EPC2: variants seen among roughly 807,000 people sequenced by gnomAD.
The protein encoded by EPC2 is enhancer of polycomb 2.
Under a neutral mutation model 92.1 loss-of-function variants are expected in EPC2, and 14 were observed. The observed-to-expected ratio is 0.15, with a 90% CI of 0.10 to 0.24. The LOEUF (loss-of-function observed/expected upper bound fraction) is 0.24, where lower values mean the gene tolerates loss of function less well. Ranked by LOEUF, EPC2 falls within the 10% of genes least tolerant of loss-of-function variation. The pLI, the probability that EPC2 is intolerant of heterozygous loss-of-function variation, is 1.00. For synonymous variants in EPC2, 340 were observed against 334.7 expected, an observed-to-expected ratio of 1.02 and a Z score of -0.17; for missense variants, 755 against 971.5, an observed-to-expected ratio of 0.78 and a Z score of 2.96.
In EPC2 at chr2:148,757,923, C is replaced by T. The variant is rs74264296; in HGVS notation, c.666+3790C>T. On this transcript the variant is annotated intron_variant, in intron 4 of 13. Transcript: ENST00000258484. The stretch of plus-strand genomic sequence containing the variant: ...TTTTTCATTAAAGGGAACCAGGACT[C>T]CTTAGGAAAATTATTCCAGGTGTAG... 1.2e-4 allele frequency among the ~76,000 whole-genome samples: 18 copies of T among 152,046 alleles called. No individual in the cohort carries two copies. In the East Asian group the frequency reaches 3.5e-3, roughly 29 times the overall value.
intron 4 of EPC2, among the ~76,000 whole-genome samples, chr2:148,761,410 G>A (rs1209453992): frequency 6.6e-6 from 1 of 152,144 alleles, no homozygotes; most frequent in Non-Finnish European, 1.5e-5. Flanking sequence ...CTGTTACCTT[G>A]ATCTGGACAG....
intron 10 of EPC2, among the ~76,000 whole-genome samples, chr2:148,772,184 T>C (rs1223091510): frequency 6.6e-6 from 1 of 152,232 alleles, no homozygotes; most frequent in Non-Finnish European, 1.5e-5. Flanking sequence ...TTCAGGTTAA[T>C]TTAATATTTT....
Position 148,761,824 on chromosome 2 carries a change from C to A in EPC2, c.709C>A (p.Leu237Met). 6.3e-7 allele frequency: 1 copy of A among 1,578,542 alleles called. No individual in the cohort carries two copies. Among genetic ancestry groups the A allele is most frequent in the South Asian group, 1.2e-5 (1 of 83,292 alleles). Residue 237 changes from leucine (L) to methionine (M), a missense_variant, in exon 5 of 14, where the codon CTG becomes ATG. Physicochemically the swap from Leu to Met is conservative, Grantham distance 15. This residue lies in a region of EPC2 where 509 missense variants were observed against 607.7 expected (regional missense o/e 0.84). Coordinates refer to ENST00000258484, the MANE Select transcript of EPC2 (RefSeq NM_015630.4). ...AGCCTCTTATGAAAAGATGTTGAAA[C>A]TGAGACGAGAATTTAGTAGAGCCAT... Reference protein sequence around the residue: ...DEASYEKMLKLRREFSRAITI... With the variant: ...DEASYEKMLKMRREFSRAITI...
intron 1 of EPC2, among the ~76,000 whole-genome samples, chr2:148,652,984 T>C (rs948228935): frequency 3.9e-5 from 6 of 152,202 alleles, no homozygotes; most frequent in Non-Finnish European, 8.8e-5. Flanking sequence ...TAGTATCATT[T>C]TTCTCACTTG....
chr2:148,769,296 C>T (rs1683472791), intron 8 of EPC2, 56 bp downstream of exon 8: 1 of 1,250,386 alleles, frequency 8.0e-7, no homozygotes, highest in East Asian at 2.4e-5. Flanking sequence ...ACAGGTAACC[C>T]ATGTCAAGAT....
chr2:148,665,683 T>C (rs148053133), intron 1 of EPC2, among the ~76,000 whole-genome samples: 2 of 152,334 alleles, frequency 1.3e-5, no homozygotes, highest in Admixed American at 6.5e-5. Flanking sequence ...TTTTCACTTT[T>C]ATATTTCTGT....
At chr2:148,681,871 AC>A (rs2105366869) in intron 1 of EPC2, among the ~76,000 whole-genome samples, 1 of 151,260 alleles carries the variant, frequency 6.6e-6, no homozygotes, top group African/African-American at 2.4e-5. Flanking sequence ...CCCTCCCCCT[AC>A]CCCCTACCCG....
At chr2:148,645,293 G>T in intron 1 of EPC2, 123 bp downstream of exon 1, 2 of 859,628 alleles carry the variant, frequency 2.3e-6, no homozygotes, top group South Asian at 1.8e-5. Flanking sequence ...TCTAACGCAC[G>T]GGACTCTACG....
At chr2:148,753,121 C>T (rs1683110168) in intron 3 of EPC2, among the ~76,000 whole-genome samples, 2 of 152,160 alleles carry the variant, frequency 1.3e-5, no homozygotes, top group African/African-American at 2.4e-5. Flanking sequence ...TATCCGATCT[C>T]GAGGTGCAAG....
chr2:148,702,139 A>G (rs921142178), intron 2 of EPC2, among the ~76,000 whole-genome samples: 1 of 151,620 alleles, frequency 6.6e-6, no homozygotes. Context: ...TGATCTTTTC[A>G]GAAGTCAGGT....
At chr2:148,730,435 A>C (rs1682593936) in intron 2 of EPC2, among the ~76,000 whole-genome samples, 1 of 152,228 alleles carries the variant, frequency 6.6e-6, no homozygotes, top group African/African-American at 2.4e-5. Context: ...TAAAGTTTAT[A>C]ATGTTTTAGA....
At chr2:148,684,628 A>G (rs1681476967) in intron 1 of EPC2, among the ~76,000 whole-genome samples, 1 of 152,182 alleles carries the variant, frequency 6.6e-6, no homozygotes, top group Admixed American at 6.5e-5. Context: ...CATCTACCAC[A>G]TTTGACTTCC....
intron 1 of EPC2, among the ~76,000 whole-genome samples, chr2:148,678,778 C>T (rs1681331492): frequency 6.6e-6 from 1 of 152,260 alleles, no homozygotes; most frequent in Non-Finnish European, 1.5e-5. Context: ...TCCCTCCACA[C>T]CTCCGTGCAA....
intron 2 of EPC2, among the ~76,000 whole-genome samples, chr2:148,742,680 A>G (rs1406390411): frequency 6.6e-6 from 1 of 151,592 alleles, no homozygotes; most frequent in Non-Finnish European, 1.5e-5. Flanking sequence ...TACTTGGGAG[A>G]CTGAGGTGGG....
chr2:148,654,808 A>ATT (rs1201853993), intron 1 of EPC2, among the ~76,000 whole-genome samples: 5 of 152,262 alleles, frequency 3.3e-5, no homozygotes, highest in African/African-American at 1.2e-4. Flanking sequence ...TTTTTTGCTA[A>ATT]GAGAACTAAA....
In EPC2 at chr2:148,787,068, A is replaced by G. The variant is rs1465179494; in HGVS notation, c.*691A>G. On this transcript the variant is annotated 3_prime_UTR_variant, in exon 14 of 14. Transcript: ENST00000258484. ...TATTTATGATACCAATTTATAAAAAATAATTACACAGAAAAAATGGAATAG... is the reference window on the plus strand; with the variant it reads ...TATTTATGATACCAATTTATAAAAAGTAATTACACAGAAAAAATGGAATAG... The G allele has an allele frequency of 4.0e-5, 6 of 149,280 alleles. No homozygotes were observed. The highest frequency in any genetic ancestry group is 9.7e-5 in the African/African-American group (4 of 41,404). 9.2% of individuals were successfully genotyped at this position (149,280 alleles called of 1,614,324 possible).
At chr2:148,762,514 C>T (rs1180075840) in intron 5 of EPC2, among the ~76,000 whole-genome samples, 156 bp from the exon 6 acceptor site, 2 of 151,922 alleles carry the variant, frequency 1.3e-5, no homozygotes, top group Non-Finnish European at 2.9e-5. Context: ...TACCAAATCC[C>T]TGTTTCTTTA....
At chr2:148,778,027 G>A (rs934099737) in intron 10 of EPC2, among the ~76,000 whole-genome samples, 2 of 152,158 alleles carry the variant, frequency 1.3e-5, no homozygotes, top group African/African-American at 4.8e-5. Context: ...TATATAGAAT[G>A]TGTTACCTAG....
chr2:148,707,941 G>C (rs919359258), intron 2 of EPC2, among the ~76,000 whole-genome samples: 1 of 152,156 alleles, frequency 6.6e-6, no homozygotes, highest in East Asian at 1.9e-4. Flanking sequence ...AAAAGAACTA[G>C]AGAAGCAAGA....
Sources: allele counts gnomAD v4.1 joint callset (sites outside exome capture counted in the v4.1 genomes callset), GRCh38; gene constraint gnomAD v4.1.1; regional missense constraint gnomAD v4.1.1; transcripts MANE v1.5; gene names NCBI Gene and HGNC (gene_info 2026-07-23, HGNC 2026-07-21).